The following FARS2 variants were observed in gnomAD, a reference collection of about 807,000 sequenced individuals.
FARS2 encodes the protein phenylalanine--tRNA ligase, mitochondrial.
In FARS2, 40 loss-of-function variants were observed where a neutral mutation model predicts 46.4. The observed-to-expected ratio is 0.86, with a 90% CI of 0.67 to 1.12. The LOEUF is 1.12. Ranked by LOEUF, FARS2 falls within the 50% of genes most tolerant of loss-of-function variation. The probability of loss-of-function intolerance (pLI) is 0.00; values close to 1 mark genes in which losing one functional copy is unlikely to be tolerated. For synonymous variants in FARS2, 234 were observed against 214.9 expected, an observed-to-expected ratio of 1.09 and a Z score of -0.78; for missense variants, 513 against 567.9, an observed-to-expected ratio of 0.90 and a Z score of 0.98.
intron 3 of FARS2, among the ~76,000 whole-genome samples, chr6:5,407,745 A>T (rs1298598356): frequency 6.6e-6 from 1 of 152,198 alleles, no homozygotes; most frequent in African/African-American, 2.4e-5. Flanking sequence ...ATAATAGTGA[A>T]ATAGGTTTCA....
rs552698560 is a variant in FARS2, at chr6:5,637,745, C to T, written c.1217+24425C>T. On this transcript the variant is annotated intron_variant, in intron 6 of 6. Coordinates refer to ENST00000274680, the MANE Select transcript of FARS2 (RefSeq NM_006567.5). ...CAAGGTGTGGGCAGAGTTAATTTCT[C>T]CTGAGGCCTCTCTTGTTGGCTGGTA... Among the ~76,000 whole-genome samples the T allele has an allele frequency of 2.6e-5, 4 of 152,292 alleles. No homozygotes were observed. The East Asian group carries it at 7.7e-4, about 29-fold the overall frequency.
At chr6:5,748,634 GC>G (rs1336969248) in intron 6 of FARS2, among the ~76,000 whole-genome samples, 1 of 152,256 alleles carries the variant, frequency 6.6e-6, no homozygotes, top group Non-Finnish European at 1.5e-5. Context: ...CATGGCTGGG[GC>G]CGAGAGAGGC....
At chr6:5,582,230 C>T (rs112161927) in intron 5 of FARS2, among the ~76,000 whole-genome samples, 2 of 116,012 alleles carry the variant, frequency 1.7e-5, no homozygotes, top group Non-Finnish European at 3.7e-5. Context: ...AACATACTTC[C>T]GGTTAATTCC....
intron 6 of FARS2, among the ~76,000 whole-genome samples, chr6:5,707,698 C>T (rs1300375623): frequency 6.6e-6 from 1 of 152,214 alleles, no homozygotes; most frequent in African/African-American, 2.4e-5. Context: ...TGCCAGTCTA[C>T]TTTGAAAATC....
chr6:5,340,951 G>T (rs1269148036), intron 1 of FARS2, among the ~76,000 whole-genome samples: 4 of 151,662 alleles, frequency 2.6e-5, no homozygotes, highest in African/African-American at 9.7e-5. Context: ...TTTGAGACCA[G>T]CCTGACCAAC....
rs1758824322 is a variant in FARS2, at chr6:5,368,553, C to T, written c.-18C>T. The stretch of plus-strand genomic sequence containing the variant: ...TTTGCCTGTGTGCTCTTTCCAGAAC[C>T]TGTGAGAAGTTTCTACAATGGTGGG... On this transcript the variant is annotated 5_prime_UTR_variant, in exon 2 of 7. Transcript: ENST00000274680. 1 of 1,590,618 alleles carries T rather than the reference C, an allele frequency of 6.3e-7. No individual in the cohort carries two copies. The highest frequency in any genetic ancestry group is 8.6e-7 in the Non-Finnish European group (1 of 1,167,148).
intron 4 of FARS2, among the ~76,000 whole-genome samples, chr6:5,534,855 A>ACG (rs1554106119): frequency 1.5e-3 from 225 of 151,228 alleles, no homozygotes; most frequent in African/African-American, 5.1e-3. Context: ...ACACACTTGC[A>ACG]CGCGCACACA....
chr6:5,641,793 C>T (rs1776832846), intron 6 of FARS2, among the ~76,000 whole-genome samples: 1 of 152,218 alleles, frequency 6.6e-6, no homozygotes. Flanking sequence ...AGATCTCATA[C>T]ACCGAGGCCT....
chr6:5,625,895 G>A (rs764170355), intron 6 of FARS2, among the ~76,000 whole-genome samples: 14 of 152,200 alleles, frequency 9.2e-5, no homozygotes, highest in African/African-American at 2.2e-4. Flanking sequence ...TCTCAGATGC[G>A]CAGGTGGTGG....
At position 5,632,235 on chromosome 6, in the gene FARS2, G is replaced by A. The variant is rs566626922; in HGVS notation, c.1217+18915G>A. Among the ~76,000 whole-genome samples, 321 of 152,228 alleles carry A rather than the reference G, an allele frequency of 2.1e-3. 2 individuals are homozygous for A. Among genetic ancestry groups the A allele is most frequent in the African/African-American group, 7.4e-3 (308 of 41,534 alleles). On this transcript the variant is annotated intron_variant, in intron 6 of 6. Transcript: ENST00000274680. Reference sequence around the variant, plus strand: ...ATAGGAGGAGAATCTCTTCACAGGCGAGACGTGCTCTACAGGCGTTTCAAC... The same window carrying A: ...ATAGGAGGAGAATCTCTTCACAGGCAAGACGTGCTCTACAGGCGTTTCAAC...
intron 1 of FARS2, among the ~76,000 whole-genome samples, chr6:5,313,843 T>TTAAAATAAAATAAAA (rs138853513): frequency 1.5e-4 from 23 of 151,288 alleles, no homozygotes; most frequent in African/African-American, 5.4e-4. Context: ...AAAATTAAAT[T>TTAAAATAAAATAAAA]TAAAATAAAA....
intron 6 of FARS2, among the ~76,000 whole-genome samples, chr6:5,620,891 A>G (rs561440351): frequency 6.6e-6 from 1 of 152,300 alleles, no homozygotes; most frequent in South Asian, 2.1e-4. Context: ...CTTCTCCTAT[A>G]TGTCAGTAGG....
At chr6:5,608,629 GATGGGCCAACA>G (rs2150660168) in intron 5 of FARS2, among the ~76,000 whole-genome samples, 1 of 151,838 alleles carries the variant, frequency 6.6e-6, no homozygotes, top group South Asian at 2.1e-4. Flanking sequence ...TATTGCATAG[GATGGGCCAACA>G]ATCATTTTTA....
chr6:5,299,456 A>G (rs6905457), intron 1 of FARS2, among the ~76,000 whole-genome samples: 113,533 of 152,152 alleles, frequency 0.75, 43,527 homozygotes, highest in African/African-American at 0.93. Context: ...CTGTATCGGT[A>G]TAATCTTTTC....
rs199992978 is a variant in FARS2 at position 5,614,411 on chromosome 6, C to CTTTTTTTTTT, written c.1217+1098_1217+1107dup. ...GACTCCCACCTGTTTCCTTCTTTGT[C>CTTTTTTTTTT]TTTTTTTTTTTTTTTTGAGACGGAG... On this transcript the variant is annotated intron_variant, in intron 6 of 6. Coordinates refer to ENST00000274680, the MANE Select transcript of FARS2 (RefSeq NM_006567.5). Among the ~76,000 whole-genome samples, 185 of 139,446 alleles carry CTTTTTTTTTT rather than the reference C, an allele frequency of 1.3e-3. 3 individuals carry two copies. The highest frequency in any genetic ancestry group is 4.8e-3 in the African/African-American group (178 of 37,132). The allele number at this position is 139,446 out of a possible 152,430, so 91.5% of individuals were successfully genotyped here. A position where few individuals can be genotyped will look rare whatever the true frequency, so the allele number is the denominator to read the frequency against.
the FARS2 span, among the ~76,000 whole-genome samples, chr6:5,255,310 T>C: frequency 1.3e-5 from 2 of 152,190 alleles, no homozygotes; most frequent in Admixed American, 1.3e-4. Context: ...ATATGTGATA[T>C]AGCAACAAAT....
chr6:5,577,305 A>G (rs540992334), intron 5 of FARS2, among the ~76,000 whole-genome samples: 5 of 152,154 alleles, frequency 3.3e-5, no homozygotes, highest in Non-Finnish European at 5.9e-5. Context: ...ATTAGAATCC[A>G]AGGTATTGAT....
At chr6:5,513,097 G>A (rs1768557451) in intron 4 of FARS2, among the ~76,000 whole-genome samples, 1 of 152,200 alleles carries the variant, frequency 6.6e-6, no homozygotes. Flanking sequence ...TCCTAGGGGA[G>A]AGGGTGGACA....
intron 5 of FARS2, chr6:5,609,835 T>C (rs1775071011): frequency 9.1e-7 from 1 of 1,092,976 alleles, no homozygotes; most frequent in Non-Finnish European, 1.4e-6. Flanking sequence ...TTCAAAATAA[T>C]CTCTTAGGTG....
Sources: gnomAD v4.1 joint callset for allele counts (sites outside exome capture counted in the v4.1 genomes callset) on GRCh38, gnomAD v4.1.1 for gene constraint, MANE v1.5 for transcripts, NCBI Gene and HGNC (gene_info 2026-07-23, HGNC 2026-07-21) for gene names.